Variants in FGD6 observed in about 807,000 individuals in gnomAD.
FGD6 encodes the protein FYVE, RhoGEF and PH domain containing 6.
FGD6 carries 90 observed loss-of-function variants against 149.4 expected under a neutral mutation model. That is an observed-to-expected ratio of 0.60 (90% CI 0.51 to 0.72). FGD6 has a LOEUF of 0.72. Among genes scored for constraint, FGD6 ranks in the 30% least tolerant of loss-of-function variants. FGD6 has a pLI of 0.00. For missense variants in FGD6, 1,437 were observed against 1,684.8 expected, an observed-to-expected ratio of 0.85 and a Z score of 2.57; for synonymous variants, 527 against 584.0, an observed-to-expected ratio of 0.90 and a Z score of 1.41.
chr12:95,078,148 T>C lies in FGD6; in HGVS notation c.*3372A>G, dbSNP rs1877554484. On this transcript the variant is annotated 3_prime_UTR_variant, in exon 21 of 21. Coordinates refer to ENST00000343958, the MANE Select transcript of FGD6 (RefSeq NM_018351.4). The stretch of plus-strand genomic sequence containing the variant: ...TAAGCCCAGGCATTTGAGTTCAGCA[T>C]GGGAAACATAGCGAGACCCGGTCTC... The C allele has an allele frequency of 6.6e-6, 1 of 152,210 alleles. No individual in the cohort carries two copies. Among genetic ancestry groups the C allele is most frequent in the African/African-American group, 2.4e-5 (1 of 41,440 alleles). The allele number at this position is 152,210 out of a possible 1,614,324, so 9.4% of individuals were successfully genotyped here.
chr12:95,087,506 G>A (rs916893469), intron 18 of FGD6, among the ~76,000 whole-genome samples: 3 of 152,200 alleles, frequency 2.0e-5, no homozygotes, highest in Non-Finnish European at 4.4e-5. Context: ...CCAAAAGCTA[G>A]TAAGAAGGCA....
chr12:95,141,327 C>T, intron 6 of FGD6, 61 bp downstream of exon 6: 5 of 1,526,412 alleles, frequency 3.3e-6, no homozygotes, highest in Non-Finnish European at 3.6e-6. Flanking sequence ...ACATGTGGGG[C>T]CCTTATGGCT....
chr12:95,133,089 C>T (rs538383440), intron 8 of FGD6, among the ~76,000 whole-genome samples: 2 of 152,280 alleles, frequency 1.3e-5, no homozygotes, highest in South Asian at 4.1e-4. Context: ...TATGTCATTC[C>T]AGACAGAAAC....
chr12:95,156,680 T>A (rs1279613901), intron 3 of FGD6, among the ~76,000 whole-genome samples: 3 of 152,108 alleles, frequency 2.0e-5, no homozygotes, highest in Non-Finnish European at 4.4e-5. Flanking sequence ...CCCACCCCTG[T>A]AGAAATCACT....
intron 1 of FGD6, among the ~76,000 whole-genome samples, chr12:95,216,628 G>T (rs1592887668): frequency 7.7e-6 from 1 of 129,494 alleles, no homozygotes; most frequent in Non-Finnish European, 1.6e-5. Context: ...ACCCTAATCA[G>T]GTAGAAACAA....
At chr12:95,144,096 G>A (rs749470858) in intron 5 of FGD6, among the ~76,000 whole-genome samples, 28 of 152,162 alleles carry the variant, frequency 1.8e-4, no homozygotes, top group Non-Finnish European at 3.8e-4. Context: ...TTGCCAAAAA[G>A]GGAACTTGTT....
chr12:95,211,385 G>T, intron 1 of FGD6, 118 bp from the exon 2 acceptor site: 1 of 1,210,614 alleles, frequency 8.3e-7, no homozygotes, highest in South Asian at 1.6e-5. Flanking sequence ...TACTGAGTAT[G>T]TTACATTATA....
At chr12:95,135,117 A>C (rs909865098) in intron 7 of FGD6, among the ~76,000 whole-genome samples, 2 of 152,200 alleles carry the variant, frequency 1.3e-5, no homozygotes, top group Non-Finnish European at 2.9e-5. Flanking sequence ...TCTGTGTCCT[A>C]GGCTAGTTAG....
chr12:95,186,182 G>A (rs1200237368), intron 2 of FGD6, among the ~76,000 whole-genome samples: 1 of 128,350 alleles, frequency 7.8e-6, no homozygotes, highest in African/African-American at 2.9e-5. Flanking sequence ...CCTGCTGCCT[G>A]TTTTTGTAAG....
chr12:95,112,847 A>G (rs6538595), intron 9 of FGD6, among the ~76,000 whole-genome samples: 95,981 of 152,058 alleles, frequency 0.63, 30,562 homozygotes, highest in East Asian at 0.68. Context: ...AGGGAAGGCT[A>G]ATATCCTATT....
chr12:95,119,800 A>C (rs1405927420), intron 8 of FGD6, among the ~76,000 whole-genome samples: 1 of 152,174 alleles, frequency 6.6e-6, no homozygotes, highest in African/African-American at 2.4e-5. Flanking sequence ...CACGCCTATA[A>C]TCCCAGCTAC....
At chr12:95,198,971 C>G (rs1161953876) in intron 2 of FGD6, among the ~76,000 whole-genome samples, 7 of 139,078 alleles carry the variant, frequency 5.0e-5, no homozygotes, top group African/African-American at 1.8e-4. Flanking sequence ...TTAAAAACAG[C>G]CATATAATTC....
intron 2 of FGD6, among the ~76,000 whole-genome samples, chr12:95,176,718 T>C (rs1433456408): frequency 6.6e-6 from 1 of 152,226 alleles, no homozygotes; most frequent in African/African-American, 2.4e-5. Context: ...TTCTATATAT[T>C]TACAGCACAC....
intron 2 of FGD6, among the ~76,000 whole-genome samples, chr12:95,176,596 C>T (rs371970918): frequency 1.8e-4 from 27 of 152,308 alleles, no homozygotes; most frequent in African/African-American, 6.3e-4. Context: ...ACTTAAATTC[C>T]TACTGATGGG....
Position 95,078,358 on chromosome 12 carries a change from C to G in FGD6, c.*3162G>C, listed in dbSNP as rs1877562890. ...AAGCTGAGCACAATGGAAGCACACTCCAAAACATACCAACATATGCTGTGA... is the reference window on the plus strand; with the variant it reads ...AAGCTGAGCACAATGGAAGCACACTGCAAAACATACCAACATATGCTGTGA... On this transcript the variant is annotated 3_prime_UTR_variant, in exon 21 of 21. Coordinates refer to ENST00000343958, the MANE Select transcript of FGD6 (RefSeq NM_018351.4). 1 of 152,186 alleles carries G rather than the reference C, an allele frequency of 6.6e-6. No homozygotes were observed. Among genetic ancestry groups the G allele is most frequent in the Non-Finnish European group, 1.5e-5 (1 of 68,034 alleles). 9.4% of individuals were successfully genotyped at this position (152,186 alleles called of 1,614,324 possible).
At chr12:95,107,532 G>A (rs199912095) in intron 12 of FGD6, 31 bp downstream of exon 12, 130 of 1,609,904 alleles carry the variant, frequency 8.1e-5, no homozygotes, top group South Asian at 1.4e-4. Context: ...TCCCTACCTC[G>A]GCCACATCAG....
chr12:95,191,733 G>C (rs1290165872), intron 2 of FGD6, among the ~76,000 whole-genome samples: 1 of 152,010 alleles, frequency 6.6e-6, no homozygotes, highest in African/African-American at 2.4e-5. Context: ...ATATCCTCCT[G>C]TATACTTTAT....
chr12:95,166,854 C>CTTTTTT (rs60585670), intron 3 of FGD6, among the ~76,000 whole-genome samples: 1 of 107,812 alleles, frequency 9.3e-6, no homozygotes, highest in Non-Finnish European at 1.9e-5. Context: ...GTTCTTTCTA[C>CTTTTTT]TTTTTTTTTT....
chr12:95,101,224 G>T (rs1196075435), intron 14 of FGD6, among the ~76,000 whole-genome samples: 1 of 151,634 alleles, frequency 6.6e-6, no homozygotes, highest in Non-Finnish European at 1.5e-5. Context: ...GCGCACCCCT[G>T]TAGTCCCAGT....
Sources: allele counts gnomAD v4.1 joint callset (sites outside exome capture counted in the v4.1 genomes callset), GRCh38; gene constraint gnomAD v4.1.1; transcripts MANE v1.5; gene names NCBI Gene and HGNC (gene_info 2026-07-23, HGNC 2026-07-21).